Variants in PELI1 observed in about 807,000 individuals in gnomAD.
The protein encoded by PELI1 is pellino E3 ubiquitin protein ligase 1.
In PELI1, 15 loss-of-function variants were observed where a neutral mutation model predicts 41.3. The ratio of observed to expected loss-of-function variants is 0.36; its 90% CI spans 0.24 to 0.56. PELI1 has a LOEUF of 0.56. Among genes scored for constraint, PELI1 ranks in the 20% least tolerant of loss-of-function variants. The pLI, the probability that PELI1 is intolerant of heterozygous loss-of-function variation, is 0.82. For missense variants in PELI1, 403 were observed against 525.5 expected (o/e 0.77, Z 2.28); for synonymous variants, 178 against 180.1 (o/e 0.99, Z 0.09).
chr2:64,120,715 G>C (rs997309883), intron 1 of PELI1, among the ~76,000 whole-genome samples: 3 of 152,208 alleles, frequency 2.0e-5, no homozygotes, highest in Admixed American at 2.0e-4. Flanking sequence ...CCTGACTGGA[G>C]AGTCAGTAAG....
At chr2:64,102,596 G>C (rs988541059) in intron 3 of PELI1, among the ~76,000 whole-genome samples, 4 of 152,136 alleles carry the variant, frequency 2.6e-5, no homozygotes, top group African/African-American at 9.7e-5. Flanking sequence ...AATTCTTAGT[G>C]GCTAAAGAGA....
chr2:64,099,968 A>G (rs1182651028), intron 4 of PELI1, among the ~76,000 whole-genome samples: 1 of 152,234 alleles, frequency 6.6e-6, no homozygotes, highest in Non-Finnish European at 1.5e-5. Flanking sequence ...TATTGTCTAG[A>G]GAGGAAGGTG....
chr2:64,142,973 A>T (rs1022209534), intron 1 of PELI1, among the ~76,000 whole-genome samples: 4 of 152,242 alleles, frequency 2.6e-5, no homozygotes, highest in African/African-American at 9.6e-5. Flanking sequence ...TTTTTAGCAC[A>T]ACCAGCACCT....
At chr2:64,097,929 T>G (rs982699798) in intron 4 of PELI1, among the ~76,000 whole-genome samples, 1 of 152,174 alleles carries the variant, frequency 6.6e-6, no homozygotes, top group Admixed American at 6.5e-5. Flanking sequence ...ATACCTTAAA[T>G]GGCCTCAGAT....
intron 1 of PELI1, among the ~76,000 whole-genome samples, chr2:64,114,071 G>A (rs1462588322): frequency 6.6e-6 from 1 of 152,058 alleles, no homozygotes. Flanking sequence ...GTGGGCAAGT[G>A]GGTAGGCATA....
At chr2:64,122,020 T>A (rs779702118) in intron 1 of PELI1, among the ~76,000 whole-genome samples, 1 of 152,050 alleles carries the variant, frequency 6.6e-6, no homozygotes, top group Non-Finnish European at 1.5e-5. Context: ...TTTTCAAAAC[T>A]ACATTTTTTA....
At chr2:64,132,878 A>C (rs1256010428) in intron 1 of PELI1, among the ~76,000 whole-genome samples, 1 of 152,160 alleles carries the variant, frequency 6.6e-6, no homozygotes, top group East Asian at 1.9e-4. Context: ...CCCCAGCCAT[A>C]CTTACTGAAT....
chr2:64,098,626 A>G (rs1402193171), intron 4 of PELI1, among the ~76,000 whole-genome samples: 1 of 152,254 alleles, frequency 6.6e-6, no homozygotes, highest in East Asian at 1.9e-4. Flanking sequence ...GGGTCAGTAC[A>G]GCACCTAGGC....
At chr2:64,102,009 TAG>T (rs1680453829) in intron 3 of PELI1, among the ~76,000 whole-genome samples, 1 of 152,044 alleles carries the variant, frequency 6.6e-6, no homozygotes, top group Non-Finnish European at 1.5e-5. Context: ...TTATTTTTAG[TAG>T]AGACGGGGTT....
intron 3 of PELI1, among the ~76,000 whole-genome samples, chr2:64,102,049 A>C (rs1225667306): frequency 1.3e-5 from 2 of 151,486 alleles, no homozygotes; most frequent in African/African-American, 4.9e-5. Context: ...CTGGTCTCGA[A>C]CTCCTGACCT....
At chr2:64,107,863 A>G (rs1680673792) in intron 2 of PELI1, among the ~76,000 whole-genome samples, 1 of 152,098 alleles carries the variant, frequency 6.6e-6, no homozygotes, top group Non-Finnish European at 1.5e-5. Flanking sequence ...TTTTTAGTAG[A>G]GATGGGGTTT....
intron 1 of PELI1, among the ~76,000 whole-genome samples, chr2:64,137,536 T>C (rs1478370670): frequency 6.6e-6 from 1 of 152,166 alleles, no homozygotes; most frequent in Non-Finnish European, 1.5e-5. Flanking sequence ...CAAATTAGTA[T>C]GGTGCCTTCC....
intron 1 of PELI1, among the ~76,000 whole-genome samples, chr2:64,132,564 T>C (rs1471318372): frequency 6.6e-6 from 1 of 152,190 alleles, no homozygotes; most frequent in Admixed American, 6.5e-5. Flanking sequence ...TCTATTATAC[T>C]ACCTTAGCTT....
chr2:64,114,588 T>C (rs952567333), intron 1 of PELI1, among the ~76,000 whole-genome samples: 2 of 152,206 alleles, frequency 1.3e-5, no homozygotes, highest in Non-Finnish European at 2.9e-5. Context: ...ATGCTGATAG[T>C]ATATCACCTA....
At chr2:64,142,948 T>C (rs566049664) in intron 1 of PELI1, among the ~76,000 whole-genome samples, 4 of 152,338 alleles carry the variant, frequency 2.6e-5, no homozygotes, top group Admixed American at 2.6e-4. Flanking sequence ...CCTTTTCTTA[T>C]ATATAAAGCT....
rs199869759 is a variant in PELI1, at chr2:64,118,439, T to A, written c.-69-10060A>T. ...ATCATACATTACTGAGCAGCGCATG[T>A]CTGTATTCTAGAAATCAGATTAAGC... On this transcript the variant is annotated intron_variant, in intron 1 of 6. Transcript: ENST00000358912. Among the ~76,000 whole-genome samples, 40 of 152,296 alleles carry A rather than the reference T, an allele frequency of 2.6e-4. No homozygotes were observed. In the East Asian group the frequency reaches 7.7e-3, roughly 29 times the overall value.
chr2:64,120,082 C>T (rs558530350), intron 1 of PELI1, among the ~76,000 whole-genome samples: 266 of 152,254 alleles, frequency 1.7e-3, no homozygotes, highest in Non-Finnish European at 2.6e-3. Context: ...TTATTCTTTA[C>T]AATTTTAAAA....
intron 1 of PELI1, among the ~76,000 whole-genome samples, chr2:64,138,387 T>G (rs1681787531): frequency 6.6e-6 from 1 of 152,190 alleles, no homozygotes; most frequent in Non-Finnish European, 1.5e-5. Flanking sequence ...TTACTCACTT[T>G]AACTATTTAT....
chr2:64,107,220 C>T (rs998968442), intron 2 of PELI1, among the ~76,000 whole-genome samples: 1 of 152,192 alleles, frequency 6.6e-6, no homozygotes, highest in Non-Finnish European at 1.5e-5. Context: ...GTATAAGCTA[C>T]TGCACCTGGC....
Sources: gnomAD v4.1 joint callset for allele counts (sites outside exome capture counted in the v4.1 genomes callset) on GRCh38, gnomAD v4.1.1 for gene constraint, MANE v1.5 for transcripts, NCBI Gene and HGNC (gene_info 2026-07-23, HGNC 2026-07-21) for gene names.